The following RTL9 variants were observed in gnomAD, a reference collection of about 807,000 sequenced individuals.
RTL9 encodes retrotransposon Gag-like protein 9.
RTL9 carries 19 observed loss-of-function variants against 44.7 expected under a neutral mutation model. The observed-to-expected ratio is 0.42, with a 90% confidence interval of 0.30 to 0.62. The LOEUF (loss-of-function observed/expected upper bound fraction) is 0.62. RTL9 is among the 20% of genes least tolerant of loss of function. The probability of loss-of-function intolerance (pLI) is 0.16; values close to 1 mark genes in which losing one functional copy is unlikely to be tolerated. For missense variants in RTL9, 1,105 were observed against 1,080.6 expected, an observed-to-expected ratio of 1.02 and a Z score of -0.32; for synonymous variants, 407 against 398.9, an observed-to-expected ratio of 1.02 and a Z score of -0.24.
chrX:110,452,823 A>G (rs745938794), exon 1 of RTL9: 1 of 1,211,945 alleles, frequency 8.3e-7, no homozygotes, highest in Non-Finnish European at 1.1e-6. Context: ...CATGTCGCCC[A>G]TGAAGTCCAT....
intron 1 of RTL9, among the ~76,000 whole-genome samples, chrX:110,394,356 A>G (rs186585147): frequency 9.0e-6 from 1 of 110,993 alleles, no homozygotes; most frequent in Admixed American, 9.5e-5. Context: ...GATTCAGGTG[A>G]TCCTCCCACC....
exon 1 of RTL9, chrX:110,454,285 A>C: frequency 8.3e-7 from 1 of 1,212,086 alleles, no homozygotes; most frequent in Non-Finnish European, 1.1e-6. Context: ...AGAAGATCCC[A>C]GGGCATATAT....
chrX:110,378,008 C>CAAAAAAAAAAA (rs755483656), intron 1 of RTL9, among the ~76,000 whole-genome samples: 19 of 30,946 alleles, frequency 6.1e-4, no homozygotes, highest in African/African-American at 2.6e-3. Flanking sequence ...GACTCCGTCT[C>CAAAAAAAAAAA]AAAAAAAAAA....
intron 1 of RTL9, among the ~76,000 whole-genome samples, chrX:110,382,788 G>A (rs1042036168): frequency 8.0e-5 from 9 of 111,829 alleles, no homozygotes; most frequent in African/African-American, 2.6e-4. Context: ...TTCCACTCAC[G>A]GGGCCACTGT....
chrX:110,428,672 T>C (rs1415387005), intron 1 of RTL9, among the ~76,000 whole-genome samples: 3 of 111,038 alleles, frequency 2.7e-5, no homozygotes, highest in African/African-American at 9.9e-5. Flanking sequence ...ACACTTTCAG[T>C]CATTCCTCAT....
Position 110,428,129 on chromosome X carries a change from T to G in RTL9, c.-168+8994T>G, listed in dbSNP as rs186546817. The stretch of plus-strand genomic sequence containing the variant: ...CACCTGGCACACAGTAGATGTTCCA[T>G]GATTCTGTACATCCTGTTCCCTCTT... On this transcript the variant is annotated intron_variant, in intron 1 of 3. Coordinates refer to the RTL9 transcript ENST00000465301. Among the ~76,000 whole-genome samples the G allele has an allele frequency of 6.7e-3, 749 of 112,342 alleles. 6 individuals are homozygous for G. Among genetic ancestry groups the G allele is most frequent in the Non-Finnish European group, 9.1e-3 (482 of 53,256 alleles).
chrX:110,381,471 G>T (rs985558818), intron 1 of RTL9, among the ~76,000 whole-genome samples: 3 of 111,779 alleles, frequency 2.7e-5, no homozygotes, highest in African/African-American at 9.8e-5. Context: ...ATACATTGCT[G>T]GTGGCAATGT....
upstream of RTL9, chrX:110,450,462 A>G: frequency 2.1e-6 from 1 of 483,733 alleles, no homozygotes. Context: ...TCAATGCCAT[A>G]TACCTGACAA....
At chrX:110,455,748 C>T (rs2148353667) in exon 2 of RTL9, 1 of 122,025 alleles carries the variant, frequency 8.2e-6, no homozygotes, top group East Asian at 2.3e-4. Flanking sequence ...ATGCCCACTC[C>T]TATACCACCC....
intron 1 of RTL9, among the ~76,000 whole-genome samples, chrX:110,428,547 A>G (rs185846217): frequency 7.2e-5 from 8 of 111,412 alleles, no homozygotes; most frequent in Non-Finnish European, 1.3e-4. Flanking sequence ...GCTTTATTGC[A>G]ATAGCCTTCT....
At chrX:110,380,382 C>G (rs773382008) in intron 1 of RTL9, among the ~76,000 whole-genome samples, 4 of 111,554 alleles carry the variant, frequency 3.6e-5, no homozygotes, top group African/African-American at 1.3e-4. Flanking sequence ...AAGAATACAT[C>G]TAACCAAAGA....
intron 1 of RTL9, among the ~76,000 whole-genome samples, chrX:110,372,466 A>G (rs995478072): frequency 8.9e-6 from 1 of 111,921 alleles, no homozygotes; most frequent in Admixed American, 9.5e-5. Context: ...TTGTGTACAT[A>G]AAATGTAGAC....
chrX:110,449,360 C>T (rs2068926602), upstream of RTL9, among the ~76,000 whole-genome samples: 2 of 112,608 alleles, frequency 1.8e-5, no homozygotes, highest in African/African-American at 3.2e-5. Flanking sequence ...TCACTGTTAG[C>T]GTTTCTGTTG....
intron 1 of RTL9, among the ~76,000 whole-genome samples, chrX:110,367,328 T>C: frequency 8.9e-6 from 1 of 112,107 alleles, no homozygotes; most frequent in Non-Finnish European, 1.9e-5. Context: ...TCTCCTCTCA[T>C]TTTCTCTTGA....
intron 1 of RTL9, among the ~76,000 whole-genome samples, chrX:110,437,379 C>T (rs754010300): frequency 3.6e-5 from 4 of 112,440 alleles, no homozygotes; most frequent in South Asian, 3.7e-4. Context: ...TGCATCATCA[C>T]ATTCAGTCTT....
intron 1 of RTL9, among the ~76,000 whole-genome samples, chrX:110,361,376 G>T (rs2068262289): frequency 9.0e-6 from 1 of 111,256 alleles, no homozygotes; most frequent in African/African-American, 3.3e-5. Flanking sequence ...TATTGCACTA[G>T]CCTCTCAACT....
chrX:110,392,398 C>T (rs1404744028), intron 1 of RTL9, among the ~76,000 whole-genome samples: 3 of 108,816 alleles, frequency 2.8e-5, no homozygotes, highest in Non-Finnish European at 1.9e-5. Flanking sequence ...ACCTCAGCCT[C>T]CCAAGTAGTT....
chrX:110,454,828 T>G (rs2148352976), intron 1 of RTL9, among the ~76,000 whole-genome samples, 164 bp downstream of exon 3: 1 of 112,038 alleles, frequency 8.9e-6, no homozygotes, highest in South Asian at 3.8e-4. Context: ...AGCATGGCTC[T>G]GCAGTTATTT....
intron 1 of RTL9, among the ~76,000 whole-genome samples, chrX:110,437,691 G>A (rs779219339): frequency 1.7e-4 from 19 of 111,647 alleles, no homozygotes; most frequent in African/African-American, 5.2e-4. Flanking sequence ...AGTTCAATGC[G>A]GGTATCAGAG....
Sources: gnomAD v4.1 joint callset for allele counts (sites outside exome capture counted in the v4.1 genomes callset) on GRCh38, gnomAD v4.1.1 for gene constraint, MANE v1.5 for transcripts, NCBI Gene and HGNC (gene_info 2026-07-23, HGNC 2026-07-21) for gene names.